Variants in ST3GAL6 observed in about 807,000 individuals in gnomAD.
The protein encoded by ST3GAL6 is type 2 lactosamine alpha-2,3-sialyltransferase.
Under a neutral mutation model 40.5 loss-of-function variants are expected in ST3GAL6, and 31 were observed. The ratio of observed to expected loss-of-function variants is 0.77; its 90% confidence interval spans 0.58 to 1.03. The LOEUF is 1.03. Ranked by LOEUF, ST3GAL6 falls within the 50% of genes least tolerant of loss-of-function variation. ST3GAL6 has a pLI of 0.00. For missense variants in ST3GAL6, 357 were observed against 393.2 expected, an observed-to-expected ratio of 0.91 and a Z score of 0.78; for synonymous variants, 129 against 136.9, an observed-to-expected ratio of 0.94 and a Z score of 0.40.
chr3:98,756,356 T>C (rs372603859), intron 1 of ST3GAL6: 19 of 1,289,582 alleles, frequency 1.5e-5, no homozygotes, highest in South Asian at 1.2e-4. Flanking sequence ...ACTATCTTTA[T>C]GTTTTATTTC....
At chr3:98,770,791 T>C (rs956806229) in intron 2 of ST3GAL6, 88 bp from the exon 3 acceptor site, 1 of 1,103,254 alleles carries the variant, frequency 9.1e-7, no homozygotes, top group African/African-American at 1.5e-5. Flanking sequence ...CTCTCAGTGG[T>C]GGCATGAATG....
chr3:98,786,772 G>A (rs775594574), intron 6 of ST3GAL6, among the ~76,000 whole-genome samples: 7 of 151,930 alleles, frequency 4.6e-5, no homozygotes, highest in Non-Finnish European at 8.8e-5. Context: ...AGAGATTGGG[G>A]TGGTAAAAGA....
chr3:98,756,593 G>A, intron 1 of ST3GAL6: 1 of 1,181,492 alleles, frequency 8.5e-7, no homozygotes, highest in Non-Finnish European at 1.1e-6. Context: ...GTAAACTTGA[G>A]CACTTGTAAT....
At chr3:98,786,954 A>ATGTGTGTG in intron 6 of ST3GAL6, among the ~76,000 whole-genome samples, 1 of 35,236 alleles carries the variant, frequency 2.8e-5, no homozygotes, top group Non-Finnish European at 6.3e-5. Flanking sequence ...CATCTGGGAT[A>ATGTGTGTG]AGTGTGTGTG....
intron 1 of ST3GAL6, chr3:98,732,664 G>C: frequency 1.9e-6 from 1 of 528,324 alleles, no homozygotes; most frequent in Non-Finnish European, 3.2e-6. Context: ...CAGCCGCGGA[G>C]CAGGAGGAGC....
chr3:98,787,944 T>TG, intron 6 of ST3GAL6, 92 bp from the exon 7 acceptor site: 1 of 1,149,368 alleles, frequency 8.7e-7, no homozygotes, highest in Non-Finnish European at 1.2e-6. Flanking sequence ...AAAAGGCTGA[T>TG]GTTTGTCCAA....
At chr3:98,738,858 G>A (rs1188754615) in intron 1 of ST3GAL6, among the ~76,000 whole-genome samples, 1 of 152,052 alleles carries the variant, frequency 6.6e-6, no homozygotes, top group Non-Finnish European at 1.5e-5. Flanking sequence ...GTACCTAATA[G>A]ACATCTACAG....
chr3:98,788,451 T>C lies in ST3GAL6; in HGVS notation c.744T>C (p.Phe248=), dbSNP rs143855020. 3.0e-4 allele frequency: 488 copies of C among 1,607,022 alleles called. No individual in the cohort carries two copies. Among genetic ancestry groups the C allele is most frequent in the Non-Finnish European group, 3.9e-4 (464 of 1,177,792 alleles). ...AYELLHFPKV[F]PKNQKPKHPT... ...AACTGCTTCATTTTCCAAAAGTGTT[T>C]CCCAAAAATCAGGTATGTATTTATC... is the stretch of plus-strand genomic sequence containing the variant. The change falls in exon 8 of 10, where the codon TTT becomes TTC. Residue 248 remains phenylalanine, a synonymous_variant. Transcript: ENST00000483910.
chr3:98,769,120 C>T (rs561932759), intron 2 of ST3GAL6, among the ~76,000 whole-genome samples: 56 of 152,250 alleles, frequency 3.7e-4, no homozygotes, highest in African/African-American at 1.3e-3. Flanking sequence ...GGTGGCAGTA[C>T]ATAATTATGC....
At chr3:98,789,483 ATTG>A (rs943251039) in intron 8 of ST3GAL6, among the ~76,000 whole-genome samples, 11 of 152,118 alleles carry the variant, frequency 7.2e-5, no homozygotes, top group Non-Finnish European at 1.3e-4. Context: ...TACCATAGGT[ATTG>A]TTGTTATTTT....
chr3:98,759,919 G>A (rs1937609454), upstream of ST3GAL6, among the ~76,000 whole-genome samples: 1 of 152,038 alleles, frequency 6.6e-6, no homozygotes, highest in Admixed American at 6.5e-5. Flanking sequence ...AATAGTAGAT[G>A]GAAGGATGAG....
At chr3:98,768,618 A>G in intron 2 of ST3GAL6, 89 bp downstream of exon 2, 1 of 957,182 alleles carries the variant, frequency 1.0e-6, no homozygotes. Flanking sequence ...TATGAAAAAA[A>G]CTTGTACCAT....
At chr3:98,782,898 C>T (rs1455049927) in intron 5 of ST3GAL6, 5 of 364,170 alleles carry the variant, frequency 1.4e-5, no homozygotes, top group East Asian at 1.5e-4. Flanking sequence ...CTCAACAACC[C>T]TCAGGATTCA....
chr3:98,787,164 T>C (rs1330423076), intron 6 of ST3GAL6, among the ~76,000 whole-genome samples: 1 of 152,142 alleles, frequency 6.6e-6, no homozygotes, highest in African/African-American at 2.4e-5. Flanking sequence ...ATAATTTACC[T>C]ACAAAACAAT....
At chr3:98,756,542 TAA>T (rs1937432251) in intron 1 of ST3GAL6, 1 of 1,251,616 alleles carries the variant, frequency 8.0e-7, no homozygotes, top group South Asian at 1.3e-5. Context: ...AAAGTGCAGG[TAA>T]GCAAAGGCAA....
At chr3:98,769,351 G>C (rs1938716984) in intron 2 of ST3GAL6, among the ~76,000 whole-genome samples, 1 of 152,182 alleles carries the variant, frequency 6.6e-6, no homozygotes, top group Non-Finnish European at 1.5e-5. Flanking sequence ...CCAATGCCAG[G>C]TGGATAGTTT....
intron 5 of ST3GAL6, among the ~76,000 whole-genome samples, chr3:98,779,829 A>T (rs1244304528): frequency 2.0e-5 from 3 of 152,188 alleles, no homozygotes; most frequent in Non-Finnish European, 4.4e-5. Flanking sequence ...TCCTTCTCCA[A>T]ACACAAAGTA....
intron 1 of ST3GAL6, among the ~76,000 whole-genome samples, chr3:98,764,837 C>T (rs539062426): frequency 6.6e-6 from 1 of 152,216 alleles, no homozygotes; most frequent in East Asian, 1.9e-4. Context: ...AGCACTCATA[C>T]ATCTTAATGC....
intron 5 of ST3GAL6, chr3:98,783,434 C>A: frequency 2.3e-6 from 1 of 440,074 alleles, no homozygotes; most frequent in Non-Finnish European, 3.0e-6. Context: ...TGTTCAGTGT[C>A]CCCTTGCCGG....
Sources: allele counts gnomAD v4.1 joint callset (sites outside exome capture counted in the v4.1 genomes callset), GRCh38; gene constraint gnomAD v4.1.1; transcripts MANE v1.5; gene names NCBI Gene and HGNC (gene_info 2026-07-23, HGNC 2026-07-21).